Variants in HTR3E observed in about 807,000 individuals in gnomAD.
HTR3E encodes 5-hydroxytryptamine (serotonin) receptor 3, family member E.
HTR3E carries 38 observed loss-of-function variants against 38.0 expected under a neutral mutation model. That is an observed-to-expected ratio of 1.00 (90% confidence interval 0.77 to 1.31). The LOEUF (loss-of-function observed/expected upper bound fraction) is 1.31. Ranked by LOEUF, HTR3E falls within the 50% of genes most tolerant of loss-of-function variation. HTR3E has a pLI of 0.00. For missense variants in HTR3E, 547 were observed against 585.2 expected, an observed-to-expected ratio of 0.93 and a Z score of 0.67; for synonymous variants, 210 against 232.9, an observed-to-expected ratio of 0.90 and a Z score of 0.89.
At chr3:184,099,330 T>G (rs1459314333) in intron 1 of HTR3E, among the ~76,000 whole-genome samples, 1 of 150,858 alleles carries the variant, frequency 6.6e-6, no homozygotes, top group Non-Finnish European at 1.5e-5. Context: ...GCCCAGAGGC[T>G]GAGGCCAAGT....
chr3:184,100,724 A>G, intron 2 of HTR3E, 73 bp downstream of exon 2: 2 of 1,557,558 alleles, frequency 1.3e-6, no homozygotes, highest in South Asian at 2.5e-5. Context: ...TGGCCCCCCA[A>G]AGCCCTTATC....
At chr3:184,098,353 G>A (rs1711775540) in intron 1 of HTR3E, among the ~76,000 whole-genome samples, 1 of 152,210 alleles carries the variant, frequency 6.6e-6, no homozygotes, top group Non-Finnish European at 1.5e-5. Flanking sequence ...GTAAGAGAAG[G>A]AGGGAAGCAC....
chr3:184,104,383 A>C, intron 4 of HTR3E, 92 bp downstream of exon 4: 1 of 1,523,512 alleles, frequency 6.6e-7, no homozygotes. Flanking sequence ...AGTGGTCTTT[A>C]GATGGCTAAG....
intron 2 of HTR3E, among the ~76,000 whole-genome samples, 178 bp from the exon 3 acceptor site, chr3:184,101,307 C>T (rs999472687): frequency 2.6e-5 from 4 of 152,266 alleles, no homozygotes; most frequent in South Asian, 2.1e-4. Flanking sequence ...ACTTTACTCC[C>T]GCCCTGCTGT....
chr3:184,097,556 A>G lies in HTR3E; in HGVS notation c.27A>G (p.Lys9=). The G allele has an allele frequency of 1.3e-6, 2 of 1,536,056 alleles. No individual in the cohort carries two copies. Among genetic ancestry groups the G allele is most frequent in the East Asian group, 4.9e-5 (2 of 40,910 alleles). Residue 9 remains lysine (K), a synonymous_variant, in exon 1 of 9, where the codon AAA becomes AAG. Transcript: ENST00000415389. MEGSWFHR[K]RFSFYLLLGF... ...TGGAAGGAAGCTGGTTCCACAGGAA[A>G]AGATTTTCCTTCTACCTCCTTCTCG...
Position 184,105,790 on chromosome 3 carries a change from T to C in HTR3E, c.746T>C (p.Leu249Pro). Residue 249 changes from leucine to proline, a missense_variant, in exon 7 of 9, where the codon CTC (leucine) becomes CCC (proline). Transcript: ENST00000415389. ...FYVAIRRRPS[L>P]YVINLLVPSG... is the part of the protein sequence containing the mutation. ...GTGGCCATCAGGCGCAGGCCCAGTCTCTATGTCATAAACCTTCTCGTGCCC... is the reference window on the plus strand; with the variant it reads ...GTGGCCATCAGGCGCAGGCCCAGTCCCTATGTCATAAACCTTCTCGTGCCC... 1.2e-6 allele frequency: 2 copies of C among 1,614,150 alleles called. No homozygotes were observed. The highest frequency in any genetic ancestry group is 4.5e-5 in the East Asian group (2 of 44,870).
chr3:184,104,475 G>A, intron 4 of HTR3E, 184 bp downstream of exon 4: 1 of 870,080 alleles, frequency 1.1e-6, no homozygotes, highest in Admixed American at 3.4e-5. Context: ...GGAGGCCAAG[G>A]TGGGTGGATC....
rs1240721555 is a variant in HTR3E, at chr3:184,100,583, C to G, written c.166C>G (p.Pro56Ala). Residue 56 changes from proline (P) to alanine (A), a missense_variant, in exon 2 of 9, where the codon CCG becomes GCG. By Grantham distance (27) the Pro-to-Ala change is conservative (BLOSUM62 -1). Coordinates refer to ENST00000415389, the MANE Select transcript of HTR3E (RefSeq NM_001256613.2). ...NSVFNRKPFR[P>A]VTNISVPTQV... ...AGTGTTTAATAGAAAGCCCTTCCGT[C>G]CGGTCACCAACATCAGCGTCCCCAC... The G allele has an allele frequency of 6.2e-7, 1 of 1,614,158 alleles. No homozygotes were observed.
chr3:184,102,795 T>C (rs899968219), intron 3 of HTR3E, among the ~76,000 whole-genome samples: 22 of 151,568 alleles, frequency 1.5e-4, no homozygotes, highest in African/African-American at 5.1e-4. Context: ...CATGGTGACA[T>C]GTGCCAGTAG....
In HTR3E at chr3:184,106,805, C is replaced by A; in HGVS notation, c.*112C>A. 3.7e-6 allele frequency: 4 copies of A among 1,082,552 alleles called. No individual in the cohort carries two copies. The highest frequency in any genetic ancestry group is 4.1e-6 in the Non-Finnish European group (3 of 733,320). 67.1% of individuals were successfully genotyped at this position (1,082,552 alleles called of 1,614,324 possible). ...ATCATATCCCCAAAGATGACTGAGTCTCTGCTGTATTCCATGTATCCCAAT... is the reference window on the plus strand; with the variant it reads ...ATCATATCCCCAAAGATGACTGAGTATCTGCTGTATTCCATGTATCCCAAT... On this transcript the variant is annotated 3_prime_UTR_variant, in exon 9 of 9. Transcript: ENST00000415389. The surrounding 1 kb of genome is among the most constrained non-coding windows in gnomAD (Gnocchi z 4.1).
At chr3:184,098,874 T>C (rs1263517602) in intron 1 of HTR3E, among the ~76,000 whole-genome samples, 1 of 151,662 alleles carries the variant, frequency 6.6e-6, no homozygotes, top group Non-Finnish European at 1.5e-5. Flanking sequence ...TGAAACCCCA[T>C]CTCTACTAAA....
intron 2 of HTR3E, 31 bp from the exon 3 acceptor site, chr3:184,101,454 A>G: frequency 6.2e-7 from 1 of 1,605,106 alleles, no homozygotes; most frequent in Non-Finnish European, 8.5e-7. Context: ...CTTACTGGCA[A>G]CATGATGGAA....
chr3:184,103,727 G>A (rs1460238002), intron 3 of HTR3E, among the ~76,000 whole-genome samples: 1 of 151,558 alleles, frequency 6.6e-6, no homozygotes, highest in Non-Finnish European at 1.5e-5. Context: ...AACCCGAGAG[G>A]TGGAGGTTGC....
Position 184,106,605 on chromosome 3 carries a change from G to C in HTR3E, c.1283G>C (p.Ser428Thr). 6.2e-7 allele frequency: 1 copy of C among 1,614,206 alleles called. No homozygotes were observed. The highest frequency in any genetic ancestry group is 8.5e-7 in the Non-Finnish European group (1 of 1,180,042). Residue 428 changes from serine to threonine, a missense_variant, in exon 9 of 9, where the codon AGC (serine) becomes ACC (threonine). Transcript: ENST00000415389. The surrounding 1 kb of genome is among the most constrained non-coding windows in gnomAD (Gnocchi z 4.1). ...TCAGTGGAGCTGTGGTTGCAGTTCAGCCACGCGATGGACGCCATGCTCTTC... is the reference window on the plus strand; with the variant it reads ...TCAGTGGAGCTGTGGTTGCAGTTCACCCACGCGATGGACGCCATGCTCTTC... ...QHSVELWLQF[S>T]HAMDAMLFRL...
rs1485117221 is a variant in HTR3E at position 184,097,197 on chromosome 3, TA to T, written c.-330del. 5.4e-6 allele frequency: 1 copy of T among 184,524 alleles called. No individual in the cohort carries two copies. Among genetic ancestry groups the T allele is most frequent in the Non-Finnish European group, 1.1e-5 (1 of 89,474 alleles). 11.4% of individuals were successfully genotyped at this position (184,524 alleles called of 1,614,324 possible). On this transcript the variant is annotated 5_prime_UTR_variant, in exon 1 of 9. The change creates a new upstream start codon in the 5' untranslated region. Coordinates refer to ENST00000415389, the MANE Select transcript of HTR3E (RefSeq NM_001256613.2). ...AAAAATAGAGGAAGTGAAACATTTA[TA>T]AATGTCTGAGAATTTTCCAAAATTG...
intron 6 of HTR3E, 129 bp from the exon 7 acceptor site, chr3:184,105,636 C>A: frequency 2.1e-6 from 2 of 940,716 alleles, no homozygotes; most frequent in Non-Finnish European, 1.6e-6. Context: ...CTGCATTCCC[C>A]ACAGCTCCAG....
chr3:184,103,130 A>C (rs1712164781), intron 3 of HTR3E, among the ~76,000 whole-genome samples: 1 of 152,184 alleles, frequency 6.6e-6, no homozygotes, highest in South Asian at 2.1e-4. Context: ...TAAGAAAACA[A>C]GGTGTGTGGG....
intron 1 of HTR3E, 62 bp from the exon 2 acceptor site, chr3:184,100,423 C>T (rs1560093565): frequency 3.7e-6 from 6 of 1,613,090 alleles, no homozygotes; most frequent in Non-Finnish European, 5.1e-6. Flanking sequence ...CCTTGGGGCC[C>T]CTCTCATATA....
intron 1 of HTR3E, among the ~76,000 whole-genome samples, chr3:184,099,597 C>T (rs1053566270): frequency 8.7e-5 from 13 of 149,866 alleles, no homozygotes; most frequent in African/African-American, 1.5e-4. Context: ...GCCTGTAGTC[C>T]CAGCTACTCG....
Sources: allele counts gnomAD v4.1 joint callset (sites outside exome capture counted in the v4.1 genomes callset), GRCh38; gene constraint gnomAD v4.1.1; non-coding constraint Gnocchi (gnomAD v3.1); transcripts MANE v1.5; gene names NCBI Gene and HGNC (gene_info 2026-07-23, HGNC 2026-07-21).